Variants in ZMYM5 observed in about 807,000 individuals in gnomAD.
The protein encoded by ZMYM5 is zinc finger MYM-type containing 5, also known as zinc finger MYM-type protein 5.
A neutral mutation model predicts 61.8 loss-of-function variants in ZMYM5; 41 were observed. The ratio of observed to expected loss-of-function variants is 0.66; its 90% CI spans 0.52 to 0.86. ZMYM5 has a LOEUF of 0.86. Ranked by LOEUF, ZMYM5 falls within the 40% of genes least tolerant of loss-of-function variation. The probability of loss-of-function intolerance (pLI) is 0.00; values close to 1 mark genes in which losing one functional copy is unlikely to be tolerated. For synonymous variants in ZMYM5, 257 were observed against 276.4 expected, an observed-to-expected ratio of 0.93 and a Z score of 0.70; for missense variants, 706 against 786.7, an observed-to-expected ratio of 0.90 and a Z score of 1.23.
intron 2 of ZMYM5, among the ~76,000 whole-genome samples, chr13:19,857,895 C>T (rs1439753390): frequency 6.6e-6 from 1 of 151,908 alleles, no homozygotes; most frequent in Non-Finnish European, 1.5e-5. Context: ...CGCCTGTAGT[C>T]GCTGCTACTT....
At chr13:19,841,349 G>C (rs945770550) in intron 4 of ZMYM5, among the ~76,000 whole-genome samples, 5 of 152,128 alleles carry the variant, frequency 3.3e-5, no homozygotes, top group African/African-American at 1.2e-4. Flanking sequence ...GTTTTTATCA[G>C]TACTCCTCTT....
chr13:19,861,978 G>A (rs760811250), intron 2 of ZMYM5, among the ~76,000 whole-genome samples: 2 of 152,098 alleles, frequency 1.3e-5, no homozygotes, highest in African/African-American at 2.4e-5. Context: ...TTATCTCCTC[G>A]TGTGATGCTA....
intron 4 of ZMYM5, among the ~76,000 whole-genome samples, chr13:19,845,812 G>T (rs1953054720): frequency 6.6e-6 from 1 of 152,122 alleles, no homozygotes. Context: ...CACCTGCCTG[G>T]CACACTGATG....
chr13:19,840,822 C>A (rs540960835), intron 4 of ZMYM5, among the ~76,000 whole-genome samples: 1 of 152,018 alleles, frequency 6.6e-6, no homozygotes, highest in Non-Finnish European at 1.5e-5. Context: ...GGACTACAAG[C>A]ACCCGCCACC....
intron 2 of ZMYM5, among the ~76,000 whole-genome samples, chr13:19,860,208 C>T (rs1953682580): frequency 6.6e-6 from 1 of 150,798 alleles, no homozygotes; most frequent in African/African-American, 2.4e-5. Flanking sequence ...TCACTGCAAC[C>T]TCCGCCTCCT....
chr13:19,833,670 A>AAAAT (rs1486717979), intron 7 of ZMYM5, among the ~76,000 whole-genome samples: 2 of 152,224 alleles, frequency 1.3e-5, no homozygotes, highest in Admixed American at 1.3e-4. Flanking sequence ...GAAATGTAGG[A>AAAAT]AAATATCTTT....
At chr13:19,829,278 T>C (rs1000845426) in intron 7 of ZMYM5, among the ~76,000 whole-genome samples, 3 of 152,130 alleles carry the variant, frequency 2.0e-5, no homozygotes, top group Non-Finnish European at 4.4e-5. Flanking sequence ...TTTTTAAATA[T>C]ATACCATTAA....
At chr13:19,857,117 A>G (rs1346083075) in intron 2 of ZMYM5, among the ~76,000 whole-genome samples, 8 of 152,052 alleles carry the variant, frequency 5.3e-5, no homozygotes, top group African/African-American at 1.5e-4. Flanking sequence ...AAACGAAAAC[A>G]AAAACAAAAA....
intron 7 of ZMYM5, among the ~76,000 whole-genome samples, chr13:19,828,980 C>T (rs1051549678): frequency 6.6e-6 from 1 of 152,048 alleles, no homozygotes; most frequent in African/African-American, 2.4e-5. Context: ...TGTGGTGGCA[C>T]ATGCCTGCAG....
intron 7 of ZMYM5, among the ~76,000 whole-genome samples, chr13:19,834,530 C>T (rs1053127104): frequency 1.3e-5 from 2 of 151,660 alleles, no homozygotes; most frequent in African/African-American, 4.8e-5. Flanking sequence ...TCAGCTGATT[C>T]TCCCACCTGG....
intron 4 of ZMYM5, among the ~76,000 whole-genome samples, chr13:19,843,849 A>C (rs560430990): frequency 6.7e-6 from 1 of 148,312 alleles, no homozygotes; most frequent in Non-Finnish European, 1.5e-5. Flanking sequence ...AAAAAAAAAA[A>C]GGGGGCCAGG....
intron 7 of ZMYM5, among the ~76,000 whole-genome samples, chr13:19,826,747 T>G (rs536792863): frequency 5.6e-5 from 8 of 142,710 alleles, no homozygotes; most frequent in Admixed American, 4.3e-4. Flanking sequence ...GGAGGGAGAC[T>G]CCGTCTCGTT....
chr13:19,842,752 G>A (rs965531432), intron 4 of ZMYM5, among the ~76,000 whole-genome samples: 1 of 151,500 alleles, frequency 6.6e-6, no homozygotes, highest in Non-Finnish European at 1.5e-5. Flanking sequence ...CTGAGGTCAG[G>A]AGTTCGAGGC....
At chr13:19,843,359 TGCACTCCAGCAAA>T (rs1259646743) in intron 4 of ZMYM5, 4 of 93,156 alleles carry the variant, frequency 4.3e-5, no homozygotes, top group African/African-American at 1.7e-4. Context: ...ATTGCGCCAC[TGCACTCCAGCAAA>T]AAAAAAAAAA....
chr13:19,842,753 A>G (rs1952921166), intron 4 of ZMYM5, among the ~76,000 whole-genome samples: 1 of 150,980 alleles, frequency 6.6e-6, no homozygotes. Flanking sequence ...TGAGGTCAGG[A>G]GTTCGAGGCC....
At chr13:19,839,595 C>T (rs1426081361) in intron 4 of ZMYM5, among the ~76,000 whole-genome samples, 3 of 151,970 alleles carry the variant, frequency 2.0e-5, no homozygotes, top group Non-Finnish European at 2.9e-5. Flanking sequence ...AGGCTGGTCA[C>T]GGACTCCTGG....
chr13:19,833,972 G>A (rs1375915732), intron 7 of ZMYM5, among the ~76,000 whole-genome samples: 1 of 152,084 alleles, frequency 6.6e-6, no homozygotes, highest in Non-Finnish European at 1.5e-5. Flanking sequence ...AGACCCACCT[G>A]TATTTCCTTT....
intron 7 of ZMYM5, among the ~76,000 whole-genome samples, chr13:19,826,769 A>C (rs960057568): frequency 9.9e-5 from 15 of 152,110 alleles, no homozygotes; most frequent in East Asian, 1.9e-4. Context: ...AAAAAAAAAA[A>C]AAAAAACTGT....
intron 2 of ZMYM5, among the ~76,000 whole-genome samples, chr13:19,857,478 G>A (rs1283187551): frequency 6.6e-6 from 1 of 152,122 alleles, no homozygotes; most frequent in Non-Finnish European, 1.5e-5. Context: ...CAGATATAAA[G>A]GTGTACCATG....
Sources: allele counts gnomAD v4.1 joint callset (sites outside exome capture counted in the v4.1 genomes callset), GRCh38; gene constraint gnomAD v4.1.1; transcripts MANE v1.5; gene names NCBI Gene and HGNC (gene_info 2026-07-23, HGNC 2026-07-21).